DOCK1: variants seen among roughly 807,000 people sequenced by gnomAD.
DOCK1 encodes the protein dedicator of cytokinesis 1, also known as dedicator of cytokinesis protein 1.
In DOCK1, 138 loss-of-function variants were observed where a neutral mutation model predicts 262.7. The ratio of observed to expected loss-of-function variants is 0.53; its 90% CI spans 0.46 to 0.61. The LOEUF (loss-of-function observed/expected upper bound fraction) is 0.61. Ranked by LOEUF, DOCK1 falls within the 20% of genes least tolerant of loss-of-function variation. The pLI is 0.00. For synonymous variants in DOCK1, 866 were observed against 867.4 expected (o/e 1.00, Z 0.03); for missense variants, 1,908 against 2,370.7 (o/e 0.80, Z 4.05).
intron 29 of DOCK1, among the ~76,000 whole-genome samples, chr10:127,287,920 C>G (rs2061217700): frequency 6.6e-6 from 1 of 152,118 alleles, no homozygotes; most frequent in Non-Finnish European, 1.5e-5. Flanking sequence ...AATCCTTACT[C>G]TAATTATGTT....
chr10:127,383,276 G>C (rs2065919273), intron 37 of DOCK1, among the ~76,000 whole-genome samples: 1 of 152,126 alleles, frequency 6.6e-6, no homozygotes, highest in South Asian at 2.1e-4. Flanking sequence ...GAGGATTTTT[G>C]CTTCCCTAGT....
chr10:126,972,666 C>A (rs1309975788), intron 2 of DOCK1, among the ~76,000 whole-genome samples: 1 of 152,010 alleles, frequency 6.6e-6, no homozygotes, highest in Non-Finnish European at 1.5e-5. Flanking sequence ...GAAGTATGCC[C>A]AGCTTCCTGC....
At chr10:127,137,504 A>G (rs12263483) in intron 27 of DOCK1, 29,219 of 229,590 alleles carry the variant, frequency 0.13, 2,202 homozygotes, top group African/African-American at 0.21. Context: ...GTACAGGGTG[A>G]CAGCCTGCCA....
chr10:127,321,715 C>G (rs1458501732), intron 29 of DOCK1, among the ~76,000 whole-genome samples: 1 of 140,882 alleles, frequency 7.1e-6, no homozygotes, highest in East Asian at 2.1e-4. Context: ...AGCCAAACCC[C>G]TCCCCCCGCC....
rs919260743 is a variant in DOCK1 at position 126,949,824 on chromosome 10, T to C, written c.47-20878T>C. On this transcript the variant is annotated intron_variant, in intron 1 of 51. Coordinates refer to ENST00000623213, the MANE Select transcript of DOCK1 (RefSeq NM_001290223.2). Reference sequence around the variant, plus strand: ...TTTGACATGTCTCTGGCTGGTTTTATGAGGGCTATTTGGGGAGCACCAAAG... The same window carrying C: ...TTTGACATGTCTCTGGCTGGTTTTACGAGGGCTATTTGGGGAGCACCAAAG... Among the ~76,000 whole-genome samples the C allele has an allele frequency of 2.0e-5, 3 of 152,080 alleles. No homozygotes were observed. In the South Asian group the frequency reaches 6.3e-4, roughly 32 times the overall value.
intron 38 of DOCK1, among the ~76,000 whole-genome samples, chr10:127,389,748 G>T (rs1368247488): frequency 6.6e-6 from 1 of 152,152 alleles, no homozygotes; most frequent in Non-Finnish European, 1.5e-5. Flanking sequence ...GGGCGTGGTG[G>T]CTCATGCCTG....
intron 27 of DOCK1, among the ~76,000 whole-genome samples, chr10:127,172,405 C>T (rs2054657422): frequency 6.6e-6 from 1 of 152,212 alleles, no homozygotes; most frequent in Non-Finnish European, 1.5e-5. Context: ...ACAGCTGTCA[C>T]TCCTGGGACT....
intron 27 of DOCK1, among the ~76,000 whole-genome samples, chr10:127,138,208 C>T (rs1389792822): frequency 6.6e-6 from 1 of 152,180 alleles, no homozygotes; most frequent in Non-Finnish European, 1.5e-5. Flanking sequence ...AGGCTCACTT[C>T]CTTTGGAAAA....
At chr10:127,066,168 G>T (rs1472558788) in intron 23 of DOCK1, among the ~76,000 whole-genome samples, 3 of 152,092 alleles carry the variant, frequency 2.0e-5, no homozygotes, top group African/African-American at 7.2e-5. Context: ...GTCGTGTTCT[G>T]TGTTCTGCCC....
At chr10:126,984,441 G>T (rs928160431) in intron 4 of DOCK1, among the ~76,000 whole-genome samples, 2 of 152,140 alleles carry the variant, frequency 1.3e-5, no homozygotes, top group African/African-American at 4.8e-5. Context: ...TCTGCCTCCA[G>T]GTTCAAGTGA....
intron 1 of DOCK1, among the ~76,000 whole-genome samples, chr10:126,940,174 C>A (rs988165923): frequency 6.6e-6 from 1 of 152,186 alleles, no homozygotes; most frequent in Non-Finnish European, 1.5e-5. Context: ...GTGAATTAAT[C>A]ACGGTTTACA....
intron 22 of DOCK1, among the ~76,000 whole-genome samples, chr10:127,061,355 C>T (rs747963474): frequency 6.6e-6 from 1 of 152,324 alleles, no homozygotes; most frequent in Non-Finnish European, 1.5e-5. Flanking sequence ...TTCTCTTCCT[C>T]GGCCCTTTCC....
In DOCK1 at chr10:127,444,329, C is replaced by T. The variant is rs894268248; in HGVS notation, c.5413+50C>T. ...GAATCGTGCTATAGCTCCGTGACTT[C>T]CCCTCACTGAAGGCTCTGAGGTTAG... On this transcript the variant is annotated intron_variant, in intron 50 of 51. Transcript: ENST00000623213. 5 of 1,531,956 alleles carry T rather than the reference C, an allele frequency of 3.3e-6. No individual in the cohort carries two copies. In the East Asian group the frequency reaches 1.1e-4, roughly 35 times the overall value. The allele number at this position is 1,531,956 out of a possible 1,614,324, so 94.9% of individuals were successfully genotyped here. A position where few individuals can be genotyped will look rare whatever the true frequency, so the allele number is the denominator to read the frequency against.
chr10:127,142,296 A>G (rs2051339005), intron 27 of DOCK1, among the ~76,000 whole-genome samples: 1 of 151,814 alleles, frequency 6.6e-6, no homozygotes, highest in Non-Finnish European at 1.5e-5. Flanking sequence ...GTTTCTGAGG[A>G]CTCTGGCTGT....
At chr10:127,162,604 C>T (rs1204483963) in intron 27 of DOCK1, among the ~76,000 whole-genome samples, 2 of 152,182 alleles carry the variant, frequency 1.3e-5, no homozygotes, top group East Asian at 3.8e-4. Flanking sequence ...AGCCAGGAAT[C>T]GAGATTTAAA....
At chr10:127,015,196 TAAAAA>T in intron 12 of DOCK1, 1 of 149,348 alleles carries the variant, frequency 6.7e-6, no homozygotes, top group South Asian at 2.1e-4. Flanking sequence ...AAAAAATATT[TAAAAA>T]AAAAAAGGAA....
intron 27 of DOCK1, among the ~76,000 whole-genome samples, chr10:127,178,890 G>C (rs548193711): frequency 6.6e-6 from 1 of 152,272 alleles, no homozygotes; most frequent in South Asian, 2.1e-4. Flanking sequence ...AGACAGCTTG[G>C]TGTGGGGGAC....
At chr10:127,334,545 T>G (rs946492911) in intron 29 of DOCK1, among the ~76,000 whole-genome samples, 1 of 152,228 alleles carries the variant, frequency 6.6e-6, no homozygotes, top group Non-Finnish European at 1.5e-5. Context: ...CAAGAAGAGA[T>G]AACATTTCTC....
chr10:127,376,765 C>T (rs1291525988), intron 35 of DOCK1, among the ~76,000 whole-genome samples: 2 of 152,186 alleles, frequency 1.3e-5, no homozygotes, highest in African/African-American at 4.8e-5. Flanking sequence ...GTTTATTAGT[C>T]TTCCAACTTT....
Sources: gnomAD v4.1 joint callset for allele counts (sites outside exome capture counted in the v4.1 genomes callset) on GRCh38, gnomAD v4.1.1 for gene constraint, MANE v1.5 for transcripts, NCBI Gene and HGNC (gene_info 2026-07-23, HGNC 2026-07-21) for gene names.